Variants in RBM4 observed in about 807,000 individuals in gnomAD.
RBM4 encodes the protein RNA binding motif protein 4, also known as RNA-binding protein 4.
A neutral mutation model predicts 29.5 loss-of-function variants in RBM4; 7 were observed. The observed-to-expected ratio is 0.24, with a 90% confidence interval of 0.14 to 0.45. RBM4 has a LOEUF of 0.45. Among genes scored for constraint, RBM4 ranks in the 20% least tolerant of loss-of-function variants. The pLI is 1.00. For missense variants in RBM4, 387 were observed against 502.3 expected, an observed-to-expected ratio of 0.77 and a Z score of 2.19; for synonymous variants, 220 against 205.4, an observed-to-expected ratio of 1.07 and a Z score of -0.61.
At chr11:66,657,637 A>AGC (rs1938974287) in intron 2 of RBM4, among the ~76,000 whole-genome samples, 1 of 144,282 alleles carries the variant, frequency 6.9e-6, no homozygotes, top group Non-Finnish European at 1.5e-5. Context: ...GAGATGAGAT[A>AGC]GCGCCACTGC....
chr11:66,643,906 C>T lies in RBM4; in HGVS notation c.869C>T (p.Ala290Val). 2 of 1,610,858 alleles carry T rather than the reference C, an allele frequency of 1.2e-6. No individual in the cohort carries two copies. Among genetic ancestry groups the T allele is most frequent in the Middle Eastern group, 3.3e-4 (2 of 6,048 alleles). ...GCTGCTGCCACAGCTGCTGCTGCAG[C>T]AGCAGCCGCTGCTGCTGTTACTGCA... Reference protein sequence around the residue: ...SGAAATAAAAAAAAAAVTAAS... With the variant: ...SGAAATAAAAVAAAAAVTAAS... The change falls in exon 3 of 4, where the codon GCA (alanine) becomes GTA (valine). Residue 290 changes from alanine to valine, a missense_variant. By Grantham distance (64) the Ala-to-Val change is moderately conservative (BLOSUM62 0). Coordinates refer to ENST00000310092, the MANE Select transcript of RBM4 (RefSeq NM_002896.4). This position sits in a 1 kb window ranked among gnomAD's most constrained non-coding sequence, Gnocchi z 6.1.
chr11:66,644,411 A>ACCCAAG, intron 3 of RBM4: 1 of 449,604 alleles, frequency 2.2e-6, no homozygotes, highest in Non-Finnish European at 3.8e-6. Flanking sequence ...TGTGCTGGTG[A>ACCCAAG]ATCTTGGGTC....
At chr11:66,653,968 G>C (rs1184760714) in intron 2 of RBM4, among the ~76,000 whole-genome samples, 2 of 152,036 alleles carry the variant, frequency 1.3e-5, no homozygotes, top group South Asian at 4.1e-4. Context: ...GAGGTGCAAG[G>C]ATCGCTTGAG....
At chr11:66,647,033 T>A (rs374076301), downstream of RBM4, among the ~76,000 whole-genome samples, 3 of 152,226 alleles carry the variant, frequency 2.0e-5, no homozygotes, top group South Asian at 6.2e-4. Context: ...AGCCTTTAAA[T>A]CATAGGCATG....
intron 2 of RBM4, among the ~76,000 whole-genome samples, chr11:66,658,869 G>A (rs1001327300): frequency 1.3e-4 from 20 of 151,344 alleles, no homozygotes; most frequent in African/African-American, 4.1e-4. Flanking sequence ...CCTGGGAGGC[G>A]GAGGTTCTAT....
intron 1 of RBM4, chr11:66,639,429 C>T (rs1156479518): frequency 4.2e-6 from 2 of 470,950 alleles, no homozygotes; most frequent in African/African-American, 1.9e-5. Flanking sequence ...TCTTTCATGC[C>T]CATTTCTGTT....
intron 2 of RBM4, among the ~76,000 whole-genome samples, chr11:66,651,713 T>C (rs1590869922): frequency 6.6e-6 from 1 of 152,186 alleles, no homozygotes; most frequent in Non-Finnish European, 1.5e-5. Context: ...GGATGGCTTA[T>C]ACACAACAGA....
At chr11:66,667,641 T>C (rs1939285011) in exon 3 of RBM4, 1 of 151,882 alleles carries the variant, frequency 6.6e-6, no homozygotes, top group African/African-American at 2.4e-5. Context: ...TCCTCTGGCA[T>C]GTAGGTATGA....
chr11:66,641,831 G>A (rs1183103060), intron 2 of RBM4, among the ~76,000 whole-genome samples: 2 of 152,118 alleles, frequency 1.3e-5, no homozygotes, highest in Admixed American at 6.5e-5. Flanking sequence ...GTTTCTCAGT[G>A]TTGGGTATCT....
At chr11:66,662,226 A>C (rs1210902362) in intron 2 of RBM4, among the ~76,000 whole-genome samples, 1 of 152,194 alleles carries the variant, frequency 6.6e-6, no homozygotes, top group Non-Finnish European at 1.5e-5. Flanking sequence ...TCAGTTTCTC[A>C]GTGGAATAAA....
At chr11:66,642,300 A>G (rs1379634185) in intron 2 of RBM4, among the ~76,000 whole-genome samples, 1 of 152,180 alleles carries the variant, frequency 6.6e-6, no homozygotes, top group Non-Finnish European at 1.5e-5. Context: ...TACTCCTTTG[A>G]CAGGTGTATG....
intron 2 of RBM4, among the ~76,000 whole-genome samples, chr11:66,653,436 A>G (rs948752055): frequency 2.0e-5 from 3 of 146,368 alleles, no homozygotes; most frequent in Admixed American, 7.1e-5. Context: ...ATCTCGGCTC[A>G]CTGCAACCTC....
chr11:66,660,481 AG>A (rs1244301665), intron 2 of RBM4, among the ~76,000 whole-genome samples: 1 of 150,300 alleles, frequency 6.7e-6, no homozygotes, highest in Non-Finnish European at 1.5e-5. Flanking sequence ...CCTACTGAAT[AG>A]CTGGAATTAC....
chr11:66,650,629 C>T (rs948288030), downstream of RBM4, among the ~76,000 whole-genome samples: 3 of 151,118 alleles, frequency 2.0e-5, no homozygotes, highest in East Asian at 2.0e-4. Context: ...TTTGGGAGGC[C>T]GAGGTGGGCG....
At chr11:66,639,553 C>T (rs934928743) in intron 1 of RBM4, 147 bp from the exon 2 acceptor site, 2 of 1,039,966 alleles carry the variant, frequency 1.9e-6, no homozygotes, top group Middle Eastern at 6.1e-4. Context: ...AGTTCACTCC[C>T]ACTTCCATTT....
chr11:66,654,689 T>G (rs1399894057), intron 2 of RBM4, among the ~76,000 whole-genome samples: 1 of 148,772 alleles, frequency 6.7e-6, no homozygotes, highest in Non-Finnish European at 1.5e-5. Flanking sequence ...ATTTTGTTTT[T>G]TTTTTTTTTT....
chr11:66,666,440 G>C, exon 3 of RBM4: 1 of 987,752 alleles, frequency 1.0e-6, no homozygotes, highest in South Asian at 4.7e-5. Flanking sequence ...ATTAACATCA[G>C]GCTCCTGGGA....
chr11:66,646,343 G>T lies in RBM4; in HGVS notation c.*325G>T. 7.9e-7 allele frequency: 1 copy of T among 1,259,246 alleles called. No homozygotes were observed. The highest frequency in any genetic ancestry group is 1.0e-6 in the Non-Finnish European group (1 of 995,648). The allele number at this position is 1,259,246 out of a possible 1,614,324, so 78.0% of individuals were successfully genotyped here. ...TCCCTGCCTCCTGCCTCCTGCGGCT[G>T]TTGGATTTGGGAATGACCTTGGTGA... On this transcript the variant is annotated 3_prime_UTR_variant, in exon 4 of 4. Coordinates refer to ENST00000310092, the MANE Select transcript of RBM4 (RefSeq NM_002896.4).
At chr11:66,644,416 T>TG in intron 3 of RBM4, 1 of 436,008 alleles carries the variant, frequency 2.3e-6, no homozygotes, top group Non-Finnish European at 4.0e-6. Flanking sequence ...TGGTGAATCT[T>TG]GGGTCACCTA....
Sources: gnomAD v4.1 joint callset for allele counts (sites outside exome capture counted in the v4.1 genomes callset) on GRCh38, gnomAD v4.1.1 for gene constraint, Gnocchi (gnomAD v3.1) non-coding constraint, MANE v1.5 for transcripts, NCBI Gene and HGNC (gene_info 2026-07-23, HGNC 2026-07-21) for gene names.